Variants in BANK1 observed in about 807,000 individuals in gnomAD.
The protein encoded by BANK1 is B cell scaffold protein with ankyrin repeats 1, also known as B-cell scaffold protein with ankyrin repeats.
In BANK1, 95 loss-of-function variants were observed where a neutral mutation model predicts 94.5. The ratio of observed to expected loss-of-function variants is 1.00; its 90% confidence interval spans 0.85 to 1.19. The LOEUF is 1.19. Among genes scored for constraint, BANK1 ranks in the 50% most tolerant of loss-of-function variants. The pLI is 0.00. For synonymous variants in BANK1, 334 were observed against 308.4 expected, an observed-to-expected ratio of 1.08 and a Z score of -0.87; for missense variants, 987 against 932.2, an observed-to-expected ratio of 1.06 and a Z score of -0.77.
chr4:101,951,789 A>G (rs1291563676), intron 7 of BANK1, among the ~76,000 whole-genome samples: 1 of 152,082 alleles, frequency 6.6e-6, no homozygotes, highest in African/African-American at 2.4e-5. Flanking sequence ...CATGTAGCTT[A>G]AATTAAATAA....
chr4:101,873,033 A>T (rs558730061), intron 5 of BANK1, among the ~76,000 whole-genome samples: 1 of 151,946 alleles, frequency 6.6e-6, no homozygotes, highest in South Asian at 2.1e-4. Flanking sequence ...AGAAAAAAAA[A>T]CCCAGCATTT....
At chr4:101,851,549 A>T (rs1022098660) in intron 2 of BANK1, among the ~76,000 whole-genome samples, 2 of 152,136 alleles carry the variant, frequency 1.3e-5, no homozygotes, top group African/African-American at 4.8e-5. Context: ...GTAGAAGGAG[A>T]GGGGAAGGAT....
chr4:101,832,732 C>A (rs931196954), intron 2 of BANK1, among the ~76,000 whole-genome samples: 16 of 152,158 alleles, frequency 1.1e-4, no homozygotes, highest in African/African-American at 3.9e-4. Context: ...AAGGTGATTT[C>A]TATTCATTAC....
At chr4:102,040,745 CACTT>C (rs1727675810) in intron 10 of BANK1, among the ~76,000 whole-genome samples, 1 of 151,996 alleles carries the variant, frequency 6.6e-6, no homozygotes. Flanking sequence ...AATTCATACT[CACTT>C]AAGAATTTTT....
At chr4:101,969,081 G>A (rs1018126796) in intron 7 of BANK1, among the ~76,000 whole-genome samples, 14 of 151,988 alleles carry the variant, frequency 9.2e-5, no homozygotes, top group African/African-American at 3.1e-4. Flanking sequence ...TTCTCAGTAT[G>A]CTTTAGTATG....
chr4:101,998,996 A>G (rs574376064), intron 7 of BANK1, among the ~76,000 whole-genome samples: 6 of 152,314 alleles, frequency 3.9e-5, no homozygotes, highest in Admixed American at 1.3e-4. Flanking sequence ...TTTGAAAAAC[A>G]TAAGACTGAA....
At chr4:101,817,181 A>G (rs1414916537) in intron 1 of BANK1, among the ~76,000 whole-genome samples, 1 of 152,088 alleles carries the variant, frequency 6.6e-6, no homozygotes, top group African/African-American at 2.4e-5. Context: ...AATAATTTAT[A>G]TACCCAAAGG....
intron 7 of BANK1, among the ~76,000 whole-genome samples, chr4:101,926,029 A>C (rs932701429): frequency 6.6e-6 from 1 of 151,734 alleles, no homozygotes; most frequent in Non-Finnish European, 1.5e-5. Flanking sequence ...TCATTGGAAA[A>C]ATATTGTTCC....
chr4:102,021,041 T>A (rs2631260), intron 7 of BANK1, among the ~76,000 whole-genome samples: 1 of 152,234 alleles, frequency 6.6e-6, no homozygotes, highest in South Asian at 2.1e-4. Flanking sequence ...AGAAGTACCC[T>A]TACTGGATTT....
rs978625226 is a variant in BANK1, at chr4:101,873,966, G to A, written c.903+3322G>A. ...TATAAAAGGGAAATAACATCGAAAG[G>A]CTAAAAGAACACAGTAATTATTAAT... On this transcript the variant is annotated intron_variant, in intron 5 of 16. Coordinates refer to ENST00000322953, the MANE Select transcript of BANK1 (RefSeq NM_017935.5). 3.9e-5 allele frequency among the ~76,000 whole-genome samples: 6 copies of A among 152,034 alleles called. No homozygotes were observed. In the East Asian group the frequency reaches 9.6e-4, roughly 24 times the overall value.
At chr4:102,005,195 TC>T (rs1392438476) in intron 7 of BANK1, among the ~76,000 whole-genome samples, 1 of 152,106 alleles carries the variant, frequency 6.6e-6, no homozygotes, top group African/African-American at 2.4e-5. Context: ...CAAGAATATT[TC>T]TATTGAAGTC....
In BANK1 at chr4:102,058,859, C is replaced by T. The variant is rs943937467; in HGVS notation, c.1970-1352C>T. On this transcript the variant is annotated intron_variant, in intron 11 of 16. Transcript: ENST00000322953. ...ATAAAGAAGAAAGAAAGAAAGCCCC[C>T]GTGGGAATCAGAATTATTGGCCACA... Among the ~76,000 whole-genome samples the T allele has an allele frequency of 2.6e-5, 4 of 151,768 alleles. 1 individual carries two copies. Among genetic ancestry groups the T allele is most frequent in the African/African-American group, 7.3e-5 (3 of 41,360 alleles).
At chr4:102,042,562 T>C (rs1302014264) in intron 10 of BANK1, among the ~76,000 whole-genome samples, 1 of 152,020 alleles carries the variant, frequency 6.6e-6, no homozygotes, top group Non-Finnish European at 1.5e-5. Flanking sequence ...GAAATTTTCA[T>C]CTAAAAAACG....
intron 5 of BANK1, among the ~76,000 whole-genome samples, chr4:101,873,453 T>C (rs1024752817): frequency 1.3e-5 from 2 of 152,160 alleles, no homozygotes; most frequent in Non-Finnish European, 2.9e-5. Context: ...ATGAGAAATC[T>C]GCAGGATTTA....
intron 7 of BANK1, among the ~76,000 whole-genome samples, chr4:102,010,550 G>A (rs551982165): frequency 2.6e-3 from 388 of 151,666 alleles, no homozygotes; most frequent in African/African-American, 8.8e-3. Flanking sequence ...CCACCACCAC[G>A]CCCGGCTAAT....
At chr4:101,824,319 G>C (rs919953872) in intron 1 of BANK1, among the ~76,000 whole-genome samples, 1 of 152,180 alleles carries the variant, frequency 6.6e-6, no homozygotes, top group African/African-American at 2.4e-5. Context: ...CCACTAAGCA[G>C]TAGCTGGTGT....
intron 7 of BANK1, among the ~76,000 whole-genome samples, chr4:101,918,760 T>C (rs58408734): frequency 0.027 from 4,053 of 152,058 alleles, 187 homozygotes; most frequent in African/African-American, 0.094. Flanking sequence ...AAACAAATAA[T>C]TTTGTTGTCA....
At position 101,790,835 on chromosome 4, in the gene BANK1, G is replaced by A. The variant is rs367959578; in HGVS notation, c.-46G>A. ...CTCTGGCCGGGAGAGTCCAGGTAGC[G>A]CTCGGCGGGCAGCAGTGCGCAGGCC... is the stretch of plus-strand genomic sequence containing the variant. On this transcript the variant is annotated 5_prime_UTR_variant, in exon 1 of 17. Transcript: ENST00000322953. 2 of 1,525,238 alleles carry A rather than the reference G, an allele frequency of 1.3e-6. No homozygotes were observed. The highest frequency in any genetic ancestry group is 8.8e-7 in the Non-Finnish European group (1 of 1,136,540). 94.5% of individuals were successfully genotyped at this position (1,525,238 alleles called of 1,614,324 possible). A position where few individuals can be genotyped will look rare whatever the true frequency, so the allele number is the denominator to read the frequency against.
At chr4:101,896,046 G>A (rs1722065605) in intron 6 of BANK1, among the ~76,000 whole-genome samples, 1 of 151,804 alleles carries the variant, frequency 6.6e-6, no homozygotes, top group Non-Finnish European at 1.5e-5. Context: ...ATTACATCTT[G>A]TTTCACCTTA....
Sources: allele counts gnomAD v4.1 joint callset (sites outside exome capture counted in the v4.1 genomes callset), GRCh38; gene constraint gnomAD v4.1.1; transcripts MANE v1.5; gene names NCBI Gene and HGNC (gene_info 2026-07-23, HGNC 2026-07-21).